ST8SIA1: variants seen among roughly 807,000 people sequenced by gnomAD.
ST8SIA1 encodes the protein ST8 alpha-N-acetyl-neuraminide alpha-2,8-sialyltransferase 1.
A neutral mutation model predicts 35.9 loss-of-function variants in ST8SIA1; 16 were observed. The observed-to-expected ratio is 0.45, with a 90% confidence interval of 0.30 to 0.68. The LOEUF (loss-of-function observed/expected upper bound fraction) is 0.68, where lower values mean the gene tolerates loss of function less well. ST8SIA1 is among the 30% of genes least tolerant of loss of function. The pLI is 0.09. For synonymous variants in ST8SIA1, 170 were observed against 169.6 expected, an observed-to-expected ratio of 1.00 and a Z score of -0.02; for missense variants, 383 against 453.6, an observed-to-expected ratio of 0.84 and a Z score of 1.41.
intron 1 of ST8SIA1, among the ~76,000 whole-genome samples, chr12:22,305,499 GCC>G (rs1302269515): frequency 6.6e-6 from 1 of 150,982 alleles, no homozygotes; most frequent in African/African-American, 2.4e-5. Flanking sequence ...TCCTGCCTCA[GCC>G]TCCCAAGTAG....
At chr12:22,212,351 T>A (rs531100609) in intron 4 of ST8SIA1, among the ~76,000 whole-genome samples, 1 of 152,322 alleles carries the variant, frequency 6.6e-6, no homozygotes, top group South Asian at 2.1e-4. Flanking sequence ...GGGACCATTT[T>A]CCATGTTCAT....
chr12:22,273,676 A>G (rs1479913325), intron 2 of ST8SIA1, among the ~76,000 whole-genome samples: 1 of 152,154 alleles, frequency 6.6e-6, no homozygotes, highest in Non-Finnish European at 1.5e-5. Flanking sequence ...TTATATTTAT[A>G]CCAAAACATA....
At chr12:22,261,907 T>G (rs1430495070) in intron 2 of ST8SIA1, among the ~76,000 whole-genome samples, 2 of 152,144 alleles carry the variant, frequency 1.3e-5, no homozygotes, top group Admixed American at 6.5e-5. Flanking sequence ...GCTGAAAATG[T>G]GATGGTGGAC....
intron 4 of ST8SIA1, among the ~76,000 whole-genome samples, chr12:22,209,834 TTTC>T (rs375654765): frequency 1.1e-4 from 17 of 152,352 alleles, no homozygotes; most frequent in Middle Eastern, 6.8e-3. Context: ...CTCTGTTGTA[TTTC>T]TTCTATCATA....
In ST8SIA1 at chr12:22,197,935, T is replaced by G. The variant is rs1465748251; in HGVS notation, c.*3617A>C. On this transcript the variant is annotated 3_prime_UTR_variant, in exon 5 of 5. Coordinates refer to ENST00000396037, the MANE Select transcript of ST8SIA1 (RefSeq NM_003034.4). ...ATTATGCAGTTTAGATGTGCAATTT[T>G]GTATAAACTTTTGGCAAAATCCTCT... is the stretch of plus-strand genomic sequence containing the variant. 1 of 152,188 alleles carries G rather than the reference T, an allele frequency of 6.6e-6. No homozygotes were observed. Among genetic ancestry groups the G allele is most frequent in the East Asian group, 1.9e-4 (1 of 5,202 alleles). The allele number at this position is 152,188 out of a possible 1,614,324, so 9.4% of individuals were successfully genotyped here.
At chr12:22,288,594 ACTGTGCCTCCC>A (rs1393452914) in intron 1 of ST8SIA1, among the ~76,000 whole-genome samples, 1 of 152,138 alleles carries the variant, frequency 6.6e-6, no homozygotes, top group Non-Finnish European at 1.5e-5. Context: ...TTCCTGCCAC[ACTGTGCCTCCC>A]CTTGCACTCT....
At chr12:22,327,446 G>A (rs1392403320) in intron 1 of ST8SIA1, among the ~76,000 whole-genome samples, 1 of 152,122 alleles carries the variant, frequency 6.6e-6, no homozygotes, top group Non-Finnish European at 1.5e-5. Flanking sequence ...TACATACCAG[G>A]GGGGCAAGCC....
rs2120582965 is a variant in ST8SIA1, at chr12:22,195,500, C to A, written c.*6052G>T. 1 of 152,194 alleles carries A rather than the reference C, an allele frequency of 6.6e-6. No individual in the cohort carries two copies. The highest frequency in any genetic ancestry group is 1.9e-4 in the East Asian group (1 of 5,176). 9.4% of individuals were successfully genotyped at this position (152,194 alleles called of 1,614,324 possible). A position where few individuals can be genotyped will look rare whatever the true frequency, so the allele number is the denominator to read the frequency against. On this transcript the variant is annotated 3_prime_UTR_variant, in exon 5 of 5. Transcript: ENST00000396037. ...AAAGCAGGAACACAGTCCCCCATTA[C>A]CACAAATTATGCAGGCAACATTCCA...
intron 2 of ST8SIA1, among the ~76,000 whole-genome samples, chr12:22,260,744 T>C (rs1275508901): frequency 1.3e-5 from 2 of 152,168 alleles, no homozygotes; most frequent in African/African-American, 4.8e-5. Context: ...AAATATATTA[T>C]ATTAATTCAT....
intron 3 of ST8SIA1, among the ~76,000 whole-genome samples, chr12:22,252,961 C>T (rs1045624923): frequency 2.0e-5 from 3 of 152,208 alleles, no homozygotes; most frequent in East Asian, 1.9e-4. Context: ...TTGAATACTA[C>T]GTATTCCTTC....
chr12:22,297,632 A>G (rs186669617), intron 1 of ST8SIA1, among the ~76,000 whole-genome samples: 14 of 152,230 alleles, frequency 9.2e-5, no homozygotes, highest in Non-Finnish European at 2.9e-5. Flanking sequence ...TCAGCACAGA[A>G]TATCAGCATT....
At chr12:22,262,236 C>T (rs557073390) in intron 2 of ST8SIA1, among the ~76,000 whole-genome samples, 3 of 152,286 alleles carry the variant, frequency 2.0e-5, no homozygotes, top group African/African-American at 4.8e-5. Flanking sequence ...TATGGAAAAA[C>T]GCTATTCAAG....
rs1190913493 is a variant in ST8SIA1 at position 22,194,116 on chromosome 12, G to A, written c.*7436C>T. 6.6e-6 allele frequency: 1 copy of A among 152,120 alleles called. No homozygotes were observed. The highest frequency in any genetic ancestry group is 1.5e-5 in the Non-Finnish European group (1 of 68,024). 9.4% of individuals were successfully genotyped at this position (152,120 alleles called of 1,614,324 possible). On this transcript the variant is annotated 3_prime_UTR_variant, in exon 5 of 5. Transcript: ENST00000396037. The stretch of plus-strand genomic sequence containing the variant: ...CTATATTTGTTCTCTTCTCTCTAGT[G>A]TCTCTATGATGTACCCTAGTGGCCA...
chr12:22,269,391 C>A (rs756831883), intron 2 of ST8SIA1, among the ~76,000 whole-genome samples: 2 of 152,056 alleles, frequency 1.3e-5, no homozygotes, highest in African/African-American at 2.4e-5. Context: ...GATTTCTCAG[C>A]CCTCTGTTGG....
chr12:22,236,578 T>G (rs1209072466), intron 4 of ST8SIA1, among the ~76,000 whole-genome samples: 2 of 152,164 alleles, frequency 1.3e-5, no homozygotes, highest in Non-Finnish European at 2.9e-5. Context: ...TATCGGCATA[T>G]CAATATAAAT....
intron 1 of ST8SIA1, among the ~76,000 whole-genome samples, chr12:22,314,719 A>G (rs1181052216): frequency 1.3e-5 from 2 of 152,076 alleles, no homozygotes; most frequent in African/African-American, 4.8e-5. Flanking sequence ...ATTCTATGCC[A>G]TTCCCATTGT....
intron 2 of ST8SIA1, among the ~76,000 whole-genome samples, chr12:22,275,901 C>T (rs2135809409): frequency 6.6e-6 from 1 of 152,328 alleles, no homozygotes; most frequent in East Asian, 1.9e-4. Context: ...CAATAAATCC[C>T]ATTTGTGTTC....
intron 1 of ST8SIA1, among the ~76,000 whole-genome samples, chr12:22,318,288 A>G (rs555292891): frequency 4.5e-4 from 69 of 152,210 alleles, no homozygotes; most frequent in Non-Finnish European, 9.3e-4. Context: ...GAGAGAAATG[A>G]AAGAATCACT....
Position 22,199,817 on chromosome 12 carries a change from T to A in ST8SIA1, c.*1735A>T, listed in dbSNP as rs950901599. The A allele has an allele frequency of 5.9e-5, 9 of 152,176 alleles. No homozygotes were observed. The highest frequency in any genetic ancestry group is 1.3e-4 in the Non-Finnish European group (9 of 68,032). The allele number at this position is 152,176 out of a possible 1,614,324, so 9.4% of individuals were successfully genotyped here. A position where few individuals can be genotyped will look rare whatever the true frequency, so the allele number is the denominator to read the frequency against. ...AACATGGTATGCTGAGTTTTTACTG[T>A]TAAAATTAAACTAGAACTTTTTGGT... On this transcript the variant is annotated 3_prime_UTR_variant, in exon 5 of 5. Transcript: ENST00000396037.
Sources: gnomAD v4.1 joint callset for allele counts (sites outside exome capture counted in the v4.1 genomes callset) on GRCh38, gnomAD v4.1.1 for gene constraint, MANE v1.5 for transcripts, NCBI Gene and HGNC (gene_info 2026-07-23, HGNC 2026-07-21) for gene names.